Variants in FREM1 observed in about 807,000 individuals in gnomAD.
FREM1 encodes FRAS1 related extracellular matrix 1, also known as FRAS1-related extracellular matrix protein 1.
FREM1 carries 220 observed loss-of-function variants against 210.1 expected under a neutral mutation model. That is an observed-to-expected ratio of 1.05 (90% CI 0.94 to 1.17). FREM1 has a LOEUF of 1.17. Among genes scored for constraint, FREM1 ranks in the 50% most tolerant of loss-of-function variants. The probability of loss-of-function intolerance (pLI) is 0.00; values close to 1 mark genes in which losing one functional copy is unlikely to be tolerated. For synonymous variants in FREM1, 1,189 were observed against 980.2 expected, an observed-to-expected ratio of 1.21 and a Z score of -3.98; for missense variants, 3,454 against 2,675.5, an observed-to-expected ratio of 1.29 and a Z score of -6.42.
At chr9:14,761,305 G>T (rs1294056806) in intron 27 of FREM1, among the ~76,000 whole-genome samples, 1 of 152,138 alleles carries the variant, frequency 6.6e-6, no homozygotes, top group East Asian at 1.9e-4. Context: ...TGGGCTAGGG[G>T]GCAAGGGTAG....
At chr9:14,819,973 GA>G (rs1293290995) in intron 13 of FREM1, among the ~76,000 whole-genome samples, 3 of 152,174 alleles carry the variant, frequency 2.0e-5, no homozygotes, top group African/African-American at 7.2e-5. Flanking sequence ...TGGCAAAATT[GA>G]AGATTCCAGA....
chr9:14,868,764 C>T lies in FREM1; in HGVS notation c.214G>A (p.Val72Ile). 1 of 1,611,508 alleles carries T rather than the reference C, an allele frequency of 6.2e-7. No homozygotes were observed. The highest frequency in any genetic ancestry group is 1.3e-5 in the African/African-American group (1 of 75,010). Residue 72 changes from valine to isoleucine, a missense_variant, in exon 2 of 37, where the codon GTT becomes ATT. Val to Ile is a conservative substitution (Grantham distance 29, BLOSUM62 3). Transcript: ENST00000380880. The stretch of plus-strand genomic sequence containing the variant: ...CCTACCTGTGGAGTGAGTTTCCCAA[C>T]CCTCTGGGTTATTGGCTCATTCATC... ...VVMNEPITQR[V>I]GKLTPQVFDC...
At chr9:14,849,354 T>C (rs1054636904) in intron 6 of FREM1, among the ~76,000 whole-genome samples, 23 of 152,238 alleles carry the variant, frequency 1.5e-4, no homozygotes, top group African/African-American at 4.1e-4. Flanking sequence ...TGTATTTCAC[T>C]AGACATATTT....
chr9:14,860,842 TAC>T (rs1554707617), intron 3 of FREM1, among the ~76,000 whole-genome samples: 1 of 84,732 alleles, frequency 1.2e-5, no homozygotes, highest in East Asian at 6.6e-4. Flanking sequence ...TACGTATATA[TAC>T]ATATATACGT....
intron 1 of FREM1, among the ~76,000 whole-genome samples, chr9:14,885,882 T>G (rs1277078521): frequency 6.6e-6 from 1 of 152,174 alleles, no homozygotes; most frequent in East Asian, 1.9e-4. Flanking sequence ...CTCTTAGCAA[T>G]TTTCAACTAT....
chr9:14,872,943 T>C (rs1197853822), intron 1 of FREM1, among the ~76,000 whole-genome samples: 2 of 150,508 alleles, frequency 1.3e-5, no homozygotes, highest in African/African-American at 4.8e-5. Context: ...GTTTTTGTCT[T>C]TGGTTCTGTT....
chr9:14,744,050 T>C (rs1339080299), intron 35 of FREM1, among the ~76,000 whole-genome samples: 1 of 152,068 alleles, frequency 6.6e-6, no homozygotes, highest in Admixed American at 6.6e-5. Context: ...TTTAAAGCAA[T>C]TATTATTTGT....
intron 10 of FREM1, among the ~76,000 whole-genome samples, chr9:14,826,749 G>A (rs1218645632): frequency 6.6e-6 from 1 of 152,136 alleles, no homozygotes; most frequent in Admixed American, 6.5e-5. Flanking sequence ...ATGAACTTGT[G>A]CCTTATAAAA....
intron 13 of FREM1, among the ~76,000 whole-genome samples, chr9:14,821,277 T>A (rs938738632): frequency 2.0e-4 from 31 of 152,146 alleles, no homozygotes; most frequent in African/African-American, 7.5e-4. Context: ...CCCCATATAC[T>A]GTAAAAAGTA....
At position 14,842,585 on chromosome 9, in the gene FREM1, G is replaced by A. The variant is rs969313908; in HGVS notation, c.1469C>T (p.Ser490Phe). The change falls in exon 9 of 37, where the codon TCC becomes TTC. Residue 490 changes from serine (S) to phenylalanine (F), a missense_variant. Physicochemically the swap from Ser to Phe is radical, Grantham distance 155. Coordinates refer to ENST00000380880, the MANE Select transcript of FREM1 (RefSeq NM_001379081.2). ...CCGGAAGACCACGAAGTCTTTGGTG[G>A]AGTCGCTGTCATCATGATGATAGCG... ...VVRYHHDDSD[S>F]TKDFVVFRIF... The A allele has an allele frequency of 1.2e-6, 2 of 1,613,980 alleles. No homozygotes were observed. The highest frequency in any genetic ancestry group is 3.3e-5 in the Admixed American group (2 of 60,024).
intron 1 of FREM1, among the ~76,000 whole-genome samples, chr9:14,892,995 C>A (rs10961773): frequency 0.067 from 10,160 of 152,232 alleles, 673 homozygotes; most frequent in African/African-American, 0.16. Context: ...AGGTGCTAAG[C>A]AGAGGGGCTA....
chr9:14,794,540 T>C (rs530096588), intron 21 of FREM1, among the ~76,000 whole-genome samples: 52 of 152,124 alleles, frequency 3.4e-4, no homozygotes, highest in Non-Finnish European at 5.9e-4. Context: ...GAATCAGAGA[T>C]GGGCTGAGGG....
intron 11 of FREM1, among the ~76,000 whole-genome samples, chr9:14,824,484 G>A (rs1298580191): frequency 1.3e-5 from 2 of 152,156 alleles, no homozygotes; most frequent in Non-Finnish European, 2.9e-5. Flanking sequence ...CAAAACTAAT[G>A]TTAGGAAGAC....
intron 10 of FREM1, among the ~76,000 whole-genome samples, chr9:14,825,488 CAAAAAAAA>C (rs137921355): frequency 4.4e-5 from 3 of 68,916 alleles, no homozygotes; most frequent in Non-Finnish European, 8.3e-5. Context: ...GACTCCATTT[CAAAAAAAA>C]AAAAAAAAAA....
Position 14,845,950 on chromosome 9 carries a change from G to T in FREM1, c.1393+10C>A. On this transcript the variant is annotated intron_variant, in intron 8 of 36. Transcript: ENST00000380880. Reference sequence around the variant, plus strand: ...GATTCTTTGCTAGGTTACCAAGTTGGATCATTCACCTCTTAAAGTCAGCCA... The same window carrying T: ...GATTCTTTGCTAGGTTACCAAGTTGTATCATTCACCTCTTAAAGTCAGCCA... The T allele has an allele frequency of 6.2e-7, 1 of 1,613,084 alleles. No homozygotes were observed. Among genetic ancestry groups the T allele is most frequent in the Non-Finnish European group, 8.5e-7 (1 of 1,179,390 alleles).
chr9:14,740,356 T>C (rs1413913760), intron 35 of FREM1, 122 bp from the exon 36 acceptor site: 1 of 697,640 alleles, frequency 1.4e-6, no homozygotes, highest in Non-Finnish European at 2.4e-6. Context: ...TTAAAAAAAC[T>C]TTCTAAGATT....
At chr9:14,802,655 G>A (rs952541584) in intron 19 of FREM1, among the ~76,000 whole-genome samples, 1 of 151,930 alleles carries the variant, frequency 6.6e-6, no homozygotes, top group East Asian at 1.9e-4. Flanking sequence ...TTTTTCTCAC[G>A]AGGATTGAGA....
intron 20 of FREM1, among the ~76,000 whole-genome samples, chr9:14,800,347 G>A (rs929384745): frequency 2.0e-5 from 3 of 152,160 alleles, no homozygotes; most frequent in Non-Finnish European, 4.4e-5. Context: ...ACCTAAGGAA[G>A]GAGAATGGGA....
rs1403355456 is a variant in FREM1 at position 14,816,841 on chromosome 9, C to A, written c.2577G>T (p.Gln859His). The change falls in exon 15 of 37, where the codon CAG becomes CAT. Residue 859 changes from glutamine (Q) to histidine (H), a missense_variant. By Grantham distance (24) the Gln-to-His change is conservative (BLOSUM62 0). Coordinates refer to ENST00000380880, the MANE Select transcript of FREM1 (RefSeq NM_001379081.2). The part of the protein sequence containing the change: ...RYQHDGTEVL[Q>H]DDLLLEVTDG... ...CGGTGACCTCCAAGAGTAGGTCATC[C>A]TGAAGAACTTCAGTTCCATCATGTT... 2 of 1,435,774 alleles carry A rather than the reference C, an allele frequency of 1.4e-6. No individual in the cohort carries two copies. Among genetic ancestry groups the A allele is most frequent in the East Asian group, 2.4e-5 (1 of 41,408 alleles). 88.9% of individuals were successfully genotyped at this position (1,435,774 alleles called of 1,614,324 possible).
Sources: gnomAD v4.1 joint callset for allele counts (sites outside exome capture counted in the v4.1 genomes callset) on GRCh38, gnomAD v4.1.1 for gene constraint, MANE v1.5 for transcripts, NCBI Gene and HGNC (gene_info 2026-07-23, HGNC 2026-07-21) for gene names.